Variants in MEP1A observed in about 807,000 individuals in gnomAD.
MEP1A encodes the protein meprin A subunit alpha.
A neutral mutation model predicts 84.5 loss-of-function variants in MEP1A; 68 were observed. The ratio of observed to expected loss-of-function variants is 0.80; its 90% confidence interval spans 0.66 to 0.98. The LOEUF (loss-of-function observed/expected upper bound fraction) is 0.98. MEP1A is among the 50% of genes least tolerant of loss of function. MEP1A has a pLI of 0.00. For synonymous variants in MEP1A, 337 were observed against 336.8 expected, an observed-to-expected ratio of 1.00 and a Z score of -0.01; for missense variants, 887 against 919.9, an observed-to-expected ratio of 0.96 and a Z score of 0.46.
intron 9 of MEP1A, among the ~76,000 whole-genome samples, chr6:46,828,522 T>C (rs1384801191): frequency 1.3e-5 from 2 of 152,162 alleles, no homozygotes; most frequent in Non-Finnish European, 2.9e-5. Flanking sequence ...ATTTTTATCT[T>C]GTGAAATGTT....
the MEP1A span, among the ~76,000 whole-genome samples, chr6:46,845,740 C>T: frequency 6.6e-6 from 1 of 152,064 alleles, no homozygotes; most frequent in Non-Finnish European, 1.5e-5. Flanking sequence ...AAAGGAAGAG[C>T]CAGAACTCTG....
At chr6:46,824,639 AAATGTATTTAAATTTATAT>A (rs1209354833) in intron 7 of MEP1A, among the ~76,000 whole-genome samples, 2 of 132,404 alleles carry the variant, frequency 1.5e-5, no homozygotes, top group Non-Finnish European at 3.0e-5. Context: ...ATATTTAAAT[AAATGTATTTAAATTTATAT>A]AATGTATTTA....
intron 13 of MEP1A, among the ~76,000 whole-genome samples, chr6:46,838,486 C>T (rs1298339229): frequency 6.6e-6 from 1 of 152,210 alleles, no homozygotes; most frequent in Non-Finnish European, 1.5e-5. Context: ...TGACAGTACA[C>T]TAACCTTATA....
chr6:46,807,600 G>A (rs1205029395), intron 5 of MEP1A, among the ~76,000 whole-genome samples: 3 of 94,492 alleles, frequency 3.2e-5, no homozygotes, highest in African/African-American at 1.5e-4. Context: ...AAGGAAGGAA[G>A]GAAGGAAGGA....
intron 9 of MEP1A, among the ~76,000 whole-genome samples, chr6:46,828,832 T>G (rs768489654): frequency 6.6e-5 from 10 of 152,178 alleles, no homozygotes; most frequent in Non-Finnish European, 1.3e-4. Context: ...TAGCCCTTCT[T>G]ATAATATAGT....
At chr6:46,833,585 G>A (rs373250123) in intron 11 of MEP1A, 47 bp downstream of exon 11, 138 of 1,367,092 alleles carry the variant, frequency 1.0e-4, no homozygotes, top group Non-Finnish European at 1.4e-4. Context: ...AACCAGAGAG[G>A]CCCACAGATG....
chr6:46,797,836 T>TTCTC (rs1303923775), intron 3 of MEP1A, among the ~76,000 whole-genome samples: 16 of 138,742 alleles, frequency 1.2e-4, no homozygotes, highest in African/African-American at 2.8e-4. Context: ...CTTTCTTTCT[T>TTCTC]TCTCTCTCTC....
intron 5 of MEP1A, among the ~76,000 whole-genome samples, chr6:46,804,718 T>C (rs1562105473): frequency 6.6e-6 from 1 of 151,680 alleles, no homozygotes; most frequent in Non-Finnish European, 1.5e-5. Flanking sequence ...TAATCCAAAT[T>C]CCTATCAAGA....
downstream of MEP1A, among the ~76,000 whole-genome samples, chr6:46,840,060 C>A (rs1338442269): frequency 6.6e-6 from 1 of 150,890 alleles, no homozygotes; most frequent in African/African-American, 2.4e-5. Flanking sequence ...GCTAAAGTTT[C>A]TATACCCAAT....
chr6:46,804,285 A>C (rs1214161799), intron 5 of MEP1A, among the ~76,000 whole-genome samples: 1 of 151,762 alleles, frequency 6.6e-6, no homozygotes, highest in Non-Finnish European at 1.5e-5. Context: ...AACTGGAAAT[A>C]GAATTTCGGT....
At chr6:46,799,675 A>G (rs545994728) in intron 5 of MEP1A, among the ~76,000 whole-genome samples, 2 of 152,322 alleles carry the variant, frequency 1.3e-5, no homozygotes, top group South Asian at 2.1e-4. Context: ...CTCTTAAGAA[A>G]AAGATCTGAA....
intron 5 of MEP1A, among the ~76,000 whole-genome samples, chr6:46,807,504 A>G (rs1303904090): frequency 1.5e-5 from 2 of 133,972 alleles, no homozygotes; most frequent in Admixed American, 8.1e-5. Context: ...TGAGACCCCC[A>G]TCTGAAATAA....
intron 5 of MEP1A, among the ~76,000 whole-genome samples, chr6:46,799,908 A>G (rs3799859): frequency 0.27 from 40,758 of 152,032 alleles, 5,662 homozygotes; most frequent in South Asian, 0.33. Flanking sequence ...ACAAGATTAG[A>G]GTGAAGAAGG....
At chr6:46,797,826 CTTTCTTTCTT>C (rs1309321705) in intron 3 of MEP1A, among the ~76,000 whole-genome samples, 51 of 147,012 alleles carry the variant, frequency 3.5e-4, no homozygotes, top group East Asian at 3.2e-3. Context: ...TTCTTTCTTT[CTTTCTTTCTT>C]TCTCTCTCTC....
chr6:46,829,559 C>A lies in MEP1A; in HGVS notation c.1132C>A (p.Gln378Lys). ...CAATGTTCGCAAGTTGGTGAAGGTGCAGACTTTTCAAGGTACTTAGAGGCA... is the reference window on the plus strand; with the variant it reads ...CAATGTTCGCAAGTTGGTGAAGGTGAAGACTTTTCAAGGTACTTAGAGGCA... ...TGNVRKLVKV[Q>K]TFQGDDDHNW... The change falls in exon 10 of 14, where the codon CAG (glutamine) becomes AAG (lysine). Residue 378 changes from glutamine to lysine, a missense_variant. By Grantham distance (53) the Gln-to-Lys change is moderately conservative. Coordinates refer to ENST00000230588, the MANE Select transcript of MEP1A (RefSeq NM_005588.3). 9 of 1,613,660 alleles carry A rather than the reference C, an allele frequency of 5.6e-6. No individual in the cohort carries two copies. Among genetic ancestry groups the A allele is most frequent in the Non-Finnish European group, 7.6e-6 (9 of 1,179,606 alleles).
intron 10 of MEP1A, among the ~76,000 whole-genome samples, chr6:46,830,107 G>T (rs1164869200): frequency 6.6e-6 from 1 of 151,812 alleles, no homozygotes; most frequent in Non-Finnish European, 1.5e-5. Context: ...AATTAGCTGG[G>T]CATGGTGGCG....
the MEP1A span, among the ~76,000 whole-genome samples, chr6:46,845,029 C>T: frequency 6.6e-6 from 1 of 152,188 alleles, no homozygotes; most frequent in Non-Finnish European, 1.5e-5. Flanking sequence ...TGCCTTGCTT[C>T]CCCTTTGCCT....
chr6:46,827,793 G>A (rs1767981012), intron 9 of MEP1A, among the ~76,000 whole-genome samples: 1 of 152,204 alleles, frequency 6.6e-6, no homozygotes, highest in Non-Finnish European at 1.5e-5. Flanking sequence ...AACCTAGTCT[G>A]TGGGCTTGCT....
chr6:46,829,752 A>G lies in MEP1A; in HGVS notation c.1144+181A>G, dbSNP rs1581686454. 2.6e-5 allele frequency among the ~76,000 whole-genome samples: 4 copies of G among 152,194 alleles called. No individual in the cohort carries two copies. In the South Asian group the frequency reaches 8.3e-4, roughly 32 times the overall value. ...ATGGCATGTTTTAATTACTCTATGAATGTTTTAACCACTGAGAAATTAGAA... is the reference window on the plus strand; with the variant it reads ...ATGGCATGTTTTAATTACTCTATGAGTGTTTTAACCACTGAGAAATTAGAA... On this transcript the variant is annotated intron_variant, in intron 10 of 13. Transcript: ENST00000230588.
Sources: allele counts gnomAD v4.1 joint callset (sites outside exome capture counted in the v4.1 genomes callset), GRCh38; gene constraint gnomAD v4.1.1; transcripts MANE v1.5; gene names NCBI Gene and HGNC (gene_info 2026-07-23, HGNC 2026-07-21).